Variants in THOC5 observed in about 807,000 individuals in gnomAD.
THOC5 encodes the protein THO complex subunit 5, also known as Fms-interacting protein.
A neutral mutation model predicts 92.9 loss-of-function variants in THOC5; 43 were observed. The ratio of observed to expected loss-of-function variants is 0.46; its 90% confidence interval spans 0.36 to 0.60. The LOEUF (loss-of-function observed/expected upper bound fraction) is 0.60. Ranked by LOEUF, THOC5 falls within the 20% of genes least tolerant of loss-of-function variation. THOC5 has a pLI of 0.00. For synonymous variants in THOC5, 296 were observed against 320.1 expected (o/e 0.92, Z 0.80); for missense variants, 659 against 849.4 (o/e 0.78, Z 2.79).
At position 29,536,651 on chromosome 22, in the gene THOC5, G is replaced by A. The variant is rs1196228708; in HGVS notation, c.687C>T (p.Leu229=). The change falls in exon 7 of 20, where the codon CTC becomes CTT. Residue 229 remains leucine (L), a synonymous_variant. Transcript: ENST00000490103. ...GCATGATGCTGTTGAGGCGGGGCTG[G>A]AGGCTGCTCAGGTACTCCTTCTTCA... ...IEVKKEYLSS[L]QPRLNSIMQA... is the part of the protein sequence containing the mutation. The A allele has an allele frequency of 6.2e-7, 1 of 1,613,402 alleles. No homozygotes were observed. Among genetic ancestry groups the A allele is most frequent in the Non-Finnish European group, 8.5e-7 (1 of 1,179,276 alleles).
chr22:29,543,575 C>T (rs574314522), intron 3 of THOC5, 33 bp from the exon 4 acceptor site: 25 of 1,552,176 alleles, frequency 1.6e-5, no homozygotes, highest in East Asian at 6.7e-5. Context: ...AGCCCACTGA[C>T]GACAGGGCTA....
intron 2 of THOC5, among the ~76,000 whole-genome samples, chr22:29,546,409 T>C (rs144397970): frequency 6.6e-6 from 1 of 151,512 alleles, no homozygotes; most frequent in South Asian, 2.1e-4. Context: ...AAAAAATGGG[T>C]TTTTCTTTCC....
intron 14 of THOC5, 36 bp from the exon 15 acceptor site, chr22:29,519,156 C>T (rs983321198): frequency 2.8e-6 from 4 of 1,404,338 alleles, no homozygotes; most frequent in Non-Finnish European, 4.0e-6. Context: ...ACGTGTGCTC[C>T]CCCATCCCTT....
At chr22:29,516,522 C>T (rs1416290913) in intron 17 of THOC5, among the ~76,000 whole-genome samples, 1 of 152,170 alleles carries the variant, frequency 6.6e-6, no homozygotes, top group African/African-American at 2.4e-5. Context: ...CACAACATCC[C>T]AGGACTTCAG....
At chr22:29,529,908 G>A (rs569808123) in intron 8 of THOC5, among the ~76,000 whole-genome samples, 29 of 152,280 alleles carry the variant, frequency 1.9e-4, no homozygotes, top group Admixed American at 7.2e-4. Flanking sequence ...TTGGGAGGCC[G>A]AGGCAGGTGG....
chr22:29,547,823 A>G (rs2064055600), intron 2 of THOC5, among the ~76,000 whole-genome samples: 1 of 151,760 alleles, frequency 6.6e-6, no homozygotes, highest in African/African-American at 2.4e-5. Context: ...TTTTCAGCAA[A>G]CCCCCACTCT....
intron 5 of THOC5, 93 bp downstream of exon 5, chr22:29,542,766 A>C (rs1378248614): frequency 1.2e-6 from 1 of 847,246 alleles, no homozygotes; most frequent in Non-Finnish European, 1.8e-6. Flanking sequence ...TCCGTCTCAA[A>C]AAAAAAAAAG....
chr22:29,543,267 G>A, intron 4 of THOC5, 162 bp downstream of exon 4: 1 of 573,520 alleles, frequency 1.7e-6, no homozygotes, highest in Non-Finnish European at 3.0e-6. Flanking sequence ...AGAATCGCTT[G>A]AAGCTGGGAG....
chr22:29,536,881 T>G (rs1284380786), intron 6 of THOC5, 143 bp from the exon 7 acceptor site: 4 of 626,954 alleles, frequency 6.4e-6, no homozygotes, highest in Non-Finnish European at 1.2e-5. Flanking sequence ...GCCAGGTACT[T>G]TGGTGAGCTC....
At position 29,516,964 on chromosome 22, in the gene THOC5, C is replaced by T. The variant is rs545832564; in HGVS notation, c.1681+65G>A. The T allele has an allele frequency of 2.1e-4, 328 of 1,527,758 alleles. 1 individual carries two copies. The African/African-American group carries it at 3.6e-3, about 17-fold the overall frequency. The allele number at this position is 1,527,758 out of a possible 1,614,324, so 94.6% of individuals were successfully genotyped here. ...CAGGATCTTCTGCTTTGGGCAGCCC[C>T]GGAGAGTGTTTGATTCTTGGCAGCG... On this transcript the variant is annotated intron_variant, in intron 17 of 19. Coordinates refer to ENST00000490103, the MANE Select transcript of THOC5 (RefSeq NM_003678.5).
intron 1 of THOC5, among the ~76,000 whole-genome samples, chr22:29,551,479 C>T (rs530162980): frequency 6.6e-6 from 1 of 152,190 alleles, no homozygotes; most frequent in Non-Finnish European, 1.5e-5. Flanking sequence ...ATGGCTCACA[C>T]CTGTAATCCC....
At chr22:29,515,990 A>G (rs758880110) in intron 17 of THOC5, among the ~76,000 whole-genome samples, 1 of 152,100 alleles carries the variant, frequency 6.6e-6, no homozygotes, top group Non-Finnish European at 1.5e-5. Context: ...AAAACAAAAA[A>G]TCTTAGCTGA....
At position 29,508,267 on chromosome 22, in the gene THOC5, T is replaced by C; in HGVS notation, c.*190A>G. On this transcript the variant is annotated 3_prime_UTR_variant, in exon 20 of 20. Transcript: ENST00000490103. ...ATGCTTTTTCACACTGTGTCACAGC[T>C]CCCACCTGCCCTTCCAGACTGCAAA... is the stretch of plus-strand genomic sequence containing the variant. 1 of 608,576 alleles carries C rather than the reference T, an allele frequency of 1.6e-6. No individual in the cohort carries two copies. Among genetic ancestry groups the C allele is most frequent in the South Asian group, 2.0e-5 (1 of 49,524 alleles). 37.7% of individuals were successfully genotyped at this position (608,576 alleles called of 1,614,324 possible).
chr22:29,543,394 G>A lies in THOC5; in HGVS notation c.354+35C>T, dbSNP rs779641179. ...AAAAGAAGGGGATGGGGAGGAGGAA[G>A]GAGGAAGGTTAAAATTAAACCTTTT... On this transcript the variant is annotated intron_variant, in intron 4 of 19. Transcript: ENST00000490103. The A allele has an allele frequency of 6.7e-6, 9 of 1,339,224 alleles. No individual in the cohort carries two copies. The African/African-American group carries it at 1.0e-4, about 15-fold the overall frequency. 83.0% of individuals were successfully genotyped at this position (1,339,224 alleles called of 1,614,324 possible). A position where few individuals can be genotyped will look rare whatever the true frequency, so the allele number is the denominator to read the frequency against.
At chr22:29,537,361 C>T (rs1304881241) in intron 6 of THOC5, among the ~76,000 whole-genome samples, 3 of 152,186 alleles carry the variant, frequency 2.0e-5, no homozygotes, top group Non-Finnish European at 4.4e-5. Context: ...CCAGACTCGG[C>T]CGGGAATGGT....
intron 18 of THOC5, 142 bp downstream of exon 18, chr22:29,511,879 A>G: frequency 1.4e-6 from 1 of 726,388 alleles, no homozygotes; most frequent in South Asian, 1.8e-5. Context: ...CACAAGCTCC[A>G]GCAAATTCTG....
rs1226213367 is a variant in THOC5 at position 29,517,380 on chromosome 22, A to T, written c.1490-14T>A. 4 of 1,609,784 alleles carry T rather than the reference A, an allele frequency of 2.5e-6. No homozygotes were observed. The highest frequency in any genetic ancestry group is 3.4e-6 in the Non-Finnish European group (4 of 1,176,766). On this transcript the variant is annotated splice_polypyrimidine_tract_variant and intron_variant, in intron 15 of 19. Transcript: ENST00000490103. ...CAATGCCATGTTCTAAAAGAGAACA[A>T]GACAGATGACGTCACAGGTAGAAAT...
intron 2 of THOC5, among the ~76,000 whole-genome samples, chr22:29,546,742 G>GT (rs2064029836): frequency 6.6e-6 from 1 of 151,490 alleles, no homozygotes; most frequent in African/African-American, 2.4e-5. Context: ...GCCCAGCCGG[G>GT]TTTTTCTTTT....
chr22:29,526,008 T>TCCCCCCCCCCC, intron 11 of THOC5, 62 bp from the exon 12 acceptor site: 1 of 665,392 alleles, frequency 1.5e-6, no homozygotes, highest in Non-Finnish European at 2.5e-6. Flanking sequence ...GTGAACAGAG[T>TCCCCCCCCCCC]CATAGGGGGT....
Sources: allele counts gnomAD v4.1 joint callset (sites outside exome capture counted in the v4.1 genomes callset), GRCh38; gene constraint gnomAD v4.1.1; transcripts MANE v1.5; gene names NCBI Gene and HGNC (gene_info 2026-07-23, HGNC 2026-07-21).